The following PCDH10 variants were observed in gnomAD, a reference collection of about 807,000 sequenced individuals.
The protein encoded by PCDH10 is protocadherin-10.
In PCDH10, 15 loss-of-function variants were observed where a neutral mutation model predicts 74.4. That is an observed-to-expected ratio of 0.20 (90% CI 0.13 to 0.31). The LOEUF (loss-of-function observed/expected upper bound fraction) is 0.31. Ranked by LOEUF, PCDH10 falls within the 10% of genes least tolerant of loss-of-function variation. PCDH10 has a pLI of 1.00. For missense variants in PCDH10, 1,260 were observed against 1,390.2 expected (o/e 0.91, Z 1.49); for synonymous variants, 619 against 589.8 (o/e 1.05, Z -0.72).
At chr4:133,170,250 G>C (rs1727175963) in intron 4 of PCDH10, among the ~76,000 whole-genome samples, 1 of 151,964 alleles carries the variant, frequency 6.6e-6, no homozygotes, top group Non-Finnish European at 1.5e-5. Context: ...ATTATGTATG[G>C]TAATAGCAAG....
At chr4:133,203,442 G>A (rs1489193811) in intron 2 of PCDH10, among the ~76,000 whole-genome samples, 1 of 152,096 alleles carries the variant, frequency 6.6e-6, no homozygotes, top group Non-Finnish European at 1.5e-5. Context: ...TAGGATTTAA[G>A]AGCCCCAGAC....
intron 3 of PCDH10, among the ~76,000 whole-genome samples, chr4:133,155,786 G>T (rs1726852562): frequency 6.6e-6 from 1 of 152,062 alleles, no homozygotes; most frequent in South Asian, 2.1e-4. Context: ...AGTTTTATGA[G>T]ATCCTGGTAA....
In PCDH10 at chr4:133,194,253, T is replaced by C. The variant is rs1727744855; in HGVS notation, c.*4093T>C. On this transcript the variant is annotated 3_prime_UTR_variant, in exon 5 of 5. Transcript: ENST00000264360. Reference sequence around the variant, plus strand: ...CTTGAAAAGTTGTCACATGCTTAGTTTGAAGTTTTACTCTCCAGATGTTTT... The same window carrying C: ...CTTGAAAAGTTGTCACATGCTTAGTCTGAAGTTTTACTCTCCAGATGTTTT... 1 of 151,844 alleles carries C rather than the reference T, an allele frequency of 6.6e-6. No individual in the cohort carries two copies. Among genetic ancestry groups the C allele is most frequent in the South Asian group, 2.1e-4 (1 of 4,828 alleles). 9.4% of individuals were successfully genotyped at this position (151,844 alleles called of 1,614,324 possible). A position where few individuals can be genotyped will look rare whatever the true frequency, so the allele number is the denominator to read the frequency against.
intron 2 of PCDH10, among the ~76,000 whole-genome samples, chr4:133,202,231 G>A (rs376426368): frequency 1.3e-5 from 2 of 152,122 alleles, no homozygotes; most frequent in African/African-American, 4.8e-5. Context: ...GACCTGTGTG[G>A]CATTATTGCA....
At chr4:133,170,349 A>G (rs1307378249) in intron 4 of PCDH10, among the ~76,000 whole-genome samples, 1 of 151,800 alleles carries the variant, frequency 6.6e-6, no homozygotes, top group Non-Finnish European at 1.5e-5. Flanking sequence ...TAAAGTGTCT[A>G]TATATATATA....
Position 133,163,131 on chromosome 4 carries a change from T to C in PCDH10, c.2952T>C (p.Thr984=). ...CTGGCATGGACTCTGTTCCAGACACTGAGGTGTTTGAAACTCCAGAAGCCC... is the reference window on the plus strand; with the variant it reads ...CTGGCATGGACTCTGTTCCAGACACCGAGGTGTTTGAAACTCCAGAAGCCC... ...HVPGMDSVPD[T]EVFETPEAQP... is the part of the protein sequence containing the mutation. The change falls in exon 4 of 5, where the codon ACT becomes ACC. Residue 984 remains threonine (T), a synonymous_variant. Transcript: ENST00000264360. 1 of 1,614,160 alleles carries C rather than the reference T, an allele frequency of 6.2e-7. No individual in the cohort carries two copies. The highest frequency in any genetic ancestry group is 1.1e-5 in the South Asian group (1 of 91,086).
chr4:133,196,462 T>G (rs1434404006), downstream of PCDH10, among the ~76,000 whole-genome samples: 2 of 152,154 alleles, frequency 1.3e-5, no homozygotes, highest in Non-Finnish European at 2.9e-5. Context: ...TTTGATTAAG[T>G]GAAGGGTCTC....
chr4:133,160,956 A>G (rs371112093), intron 3 of PCDH10, among the ~76,000 whole-genome samples: 6 of 152,200 alleles, frequency 3.9e-5, no homozygotes, highest in African/African-American at 9.6e-5. Flanking sequence ...CAAAGTATCA[A>G]TCTTCTCTCT....
chr4:133,181,246 C>T (rs750657507), intron 4 of PCDH10, among the ~76,000 whole-genome samples: 2 of 151,762 alleles, frequency 1.3e-5, no homozygotes, highest in Non-Finnish European at 1.5e-5. Context: ...AATAATCAGA[C>T]AATTAGTCAT....
chr4:133,151,307 G>T lies in PCDH10; in HGVS notation c.1167G>T (p.Glu389Asp), dbSNP rs1726682920. Residue 389 changes from glutamate to aspartate, a missense_variant, in exon 1 of 5, where the codon GAG becomes GAT. Coordinates refer to ENST00000264360, the MANE Select transcript of PCDH10 (RefSeq NM_032961.3). ...LFSVTDRDSEENGQVQCELLG... is the reference protein window; with the variant it reads ...LFSVTDRDSEDNGQVQCELLG... ...GCGTGACTGACCGCGACTCAGAGGAGAATGGGCAGGTGCAGTGCGAGCTAC... is the reference window on the plus strand; with the variant it reads ...GCGTGACTGACCGCGACTCAGAGGATAATGGGCAGGTGCAGTGCGAGCTAC... The T allele has an allele frequency of 6.2e-7, 1 of 1,614,204 alleles. No homozygotes were observed. Among genetic ancestry groups the T allele is most frequent in the East Asian group, 2.2e-5 (1 of 44,854 alleles).
chr4:133,174,696 C>CT (rs1439287536), intron 4 of PCDH10, among the ~76,000 whole-genome samples: 1 of 150,758 alleles, frequency 6.6e-6, no homozygotes, highest in East Asian at 2.0e-4. Flanking sequence ...TTAGAAATGC[C>CT]TTTTTTGATG....
At chr4:133,202,801 T>A (rs1727929127) in intron 2 of PCDH10, among the ~76,000 whole-genome samples, 1 of 152,186 alleles carries the variant, frequency 6.6e-6, no homozygotes. Flanking sequence ...TTGAGCTCCA[T>A]CATGTATAAT....
rs201881504 is a variant in PCDH10, at chr4:133,190,206, C to T, written c.*46C>T. 7.0e-6 allele frequency: 11 copies of T among 1,569,848 alleles called. No individual in the cohort carries two copies. Among genetic ancestry groups the T allele is most frequent in the South Asian group, 3.3e-5 (3 of 90,154 alleles). The stretch of plus-strand genomic sequence containing the variant: ...TGAAGCAGCATGATTTGCACAAAGT[C>T]GACCAACAAAAGCATCAACTTTTCA... On this transcript the variant is annotated 3_prime_UTR_variant, in exon 5 of 5. Coordinates refer to ENST00000264360, the MANE Select transcript of PCDH10 (RefSeq NM_032961.3).
At chr4:133,177,627 C>T (rs1298587868) in intron 4 of PCDH10, among the ~76,000 whole-genome samples, 2 of 152,076 alleles carry the variant, frequency 1.3e-5, no homozygotes, top group African/African-American at 4.8e-5. Context: ...AAAAATTTCT[C>T]ATTTTTTTAC....
At position 133,163,418 on chromosome 4, in the gene PCDH10, C is replaced by T. The variant is rs545195469; in HGVS notation, c.3103+136C>T. ...TAAAAGTGACTGGATGCTGGCAGCA[C>T]TTTAGGGCAATATTCTTTATTTAAA... On this transcript the variant is annotated intron_variant, in intron 4 of 4. Transcript: ENST00000264360. The T allele has an allele frequency of 3.4e-5, 23 of 676,256 alleles. No individual in the cohort carries two copies. The African/African-American group carries it at 4.1e-4, about 12-fold the overall frequency. The allele number at this position is 676,256 out of a possible 1,614,324, so 41.9% of individuals were successfully genotyped here.
At chr4:133,204,441 C>T (rs555248930) in intron 2 of PCDH10, among the ~76,000 whole-genome samples, 15 of 152,270 alleles carry the variant, frequency 9.9e-5, no homozygotes, top group African/African-American at 3.1e-4. Context: ...CTTTAAGGTG[C>T]TGTGTTGTCA....
At position 133,190,219 on chromosome 4, in the gene PCDH10, C is replaced by T. The variant is rs1727632286; in HGVS notation, c.*59C>T. On this transcript the variant is annotated 3_prime_UTR_variant, in exon 5 of 5. Transcript: ENST00000264360. ...TTTGCACAAAGTCGACCAACAAAAG[C>T]ATCAACTTTTCAACTTCATTATCTT... 1.9e-5 allele frequency: 28 copies of T among 1,495,492 alleles called. No individual in the cohort carries two copies. In the South Asian group the frequency reaches 3.0e-4, roughly 16 times the overall value. The allele number at this position is 1,495,492 out of a possible 1,614,324, so 92.6% of individuals were successfully genotyped here.
At chr4:133,167,501 A>G (rs1396152354) in intron 4 of PCDH10, among the ~76,000 whole-genome samples, 1 of 151,406 alleles carries the variant, frequency 6.6e-6, no homozygotes, top group Non-Finnish European at 1.5e-5. Context: ...TCTTAAATAT[A>G]CTCTCACTAT....
At chr4:133,162,867 G>A (rs41279285) in intron 3 of PCDH10, 110 bp from the exon 4 acceptor site, 15,091 of 881,832 alleles carry the variant, frequency 0.017, 175 homozygotes, top group Non-Finnish European at 0.021. Context: ...GGAAAAATTT[G>A]TTAAGACAAC....
Sources: gnomAD v4.1 joint callset for allele counts (sites outside exome capture counted in the v4.1 genomes callset) on GRCh38, gnomAD v4.1.1 for gene constraint, MANE v1.5 for transcripts, NCBI Gene and HGNC (gene_info 2026-07-23, HGNC 2026-07-21) for gene names.